NFIC: variants seen among roughly 807,000 people sequenced by gnomAD.
NFIC encodes the protein nuclear factor I C, also known as nuclear factor 1 C-type.
A neutral mutation model predicts 54.4 loss-of-function variants in NFIC; 12 were observed. The ratio of observed to expected loss-of-function variants is 0.22; its 90% confidence interval spans 0.14 to 0.36. NFIC has a LOEUF of 0.36. NFIC is among the 10% of genes least tolerant of loss of function. The pLI is 1.00. For synonymous variants in NFIC, 322 were observed against 319.2 expected (o/e 1.01, Z -0.09); for missense variants, 575 against 718.2 (o/e 0.80, Z 2.28).
At position 3,367,430 on chromosome 19, in the gene NFIC, T is replaced by TGCG. The variant is rs1190549801; in HGVS notation, c.30+768_30+770dup. Among the ~76,000 whole-genome samples, 3 of 152,012 alleles carry TGCG rather than the reference T, an allele frequency of 2.0e-5. No individual in the cohort carries two copies. In the East Asian group the frequency reaches 5.8e-4, roughly 30 times the overall value. On this transcript the variant is annotated intron_variant, in intron 1 of 10. Transcript: ENST00000443272. ...GGCGCTCCGGGTCTGGCCCGGGCAC[T>TGCG]GCGGCGCTGCGGACGCCCTCGCCAG...
chr19:3,367,387 G>A (rs565247432), intron 1 of NFIC, among the ~76,000 whole-genome samples: 3 of 152,172 alleles, frequency 2.0e-5, no homozygotes, highest in East Asian at 3.9e-4. Flanking sequence ...AGCCGCCGCC[G>A]GGAGGAGCGG....
At chr19:3,401,218 G>A (rs1365526439) in intron 2 of NFIC, among the ~76,000 whole-genome samples, 1 of 152,202 alleles carries the variant, frequency 6.6e-6, no homozygotes, top group Non-Finnish European at 1.5e-5. Context: ...CTTGGGCTTT[G>A]ACCCCAAGGC....
At chr19:3,392,196 C>A (rs187373671) in intron 2 of NFIC, among the ~76,000 whole-genome samples, 1 of 151,528 alleles carries the variant, frequency 6.6e-6, no homozygotes, top group African/African-American at 2.4e-5. Context: ...CTCAACCTCC[C>A]GAATAGCTGG....
At chr19:3,438,253 CCACTGGGGAAGGAGGTGGTAG>C (rs1420036776) in intron 6 of NFIC, among the ~76,000 whole-genome samples, 1 of 150,402 alleles carries the variant, frequency 6.6e-6, no homozygotes, top group Non-Finnish European at 1.5e-5. Context: ...GCAACCCCTT[CCACTGGGGAAGGAGGTGGTAG>C]CAATGGGGGG....
rs1046325128 is a variant in NFIC, at chr19:3,387,617, C to T, written c.562+5374C>T. ...GATGGGGAGGGCTTCTCTGAGGAGG[C>T]GTCTTTGAGGTGAGGCTTGAAGGGG... On this transcript the variant is annotated intron_variant, in intron 2 of 10. Transcript: ENST00000443272. 4.0e-5 allele frequency among the ~76,000 whole-genome samples: 6 copies of T among 151,720 alleles called. No homozygotes were observed. The South Asian group carries it at 8.3e-4, about 21-fold the overall frequency.
chr19:3,437,435 C>G (rs1329054609), intron 6 of NFIC, among the ~76,000 whole-genome samples: 1 of 151,526 alleles, frequency 6.6e-6, no homozygotes, highest in Non-Finnish European at 1.5e-5. Context: ...TTTCAGGTGC[C>G]AAGGCCCCTC....
intron 2 of NFIC, among the ~76,000 whole-genome samples, chr19:3,411,674 A>G (rs1014517955): frequency 2.0e-5 from 3 of 152,000 alleles, no homozygotes; most frequent in African/African-American, 7.2e-5. Flanking sequence ...AAAACTCCTC[A>G]GTGATGCTGA....
chr19:3,360,221 G>C (rs1186954980), intron 1 of NFIC, among the ~76,000 whole-genome samples: 3 of 145,598 alleles, frequency 2.1e-5, no homozygotes, highest in African/African-American at 7.4e-5. Flanking sequence ...CGGAGAGCGC[G>C]CCGCGGCCGC....
chr19:3,374,113 C>G (rs985093611), intron 1 of NFIC, among the ~76,000 whole-genome samples: 6 of 152,268 alleles, frequency 3.9e-5, no homozygotes, highest in Non-Finnish European at 8.8e-5. Context: ...ATTGTTGAGT[C>G]ACTTTTACCT....
At chr19:3,443,380 A>G (rs1336981761) in intron 6 of NFIC, among the ~76,000 whole-genome samples, 1 of 151,828 alleles carries the variant, frequency 6.6e-6, no homozygotes, top group African/African-American at 2.4e-5. Context: ...CTATGATTGC[A>G]CCAGTGCACT....
chr19:3,431,259 G>A (rs2082115736), intron 3 of NFIC, among the ~76,000 whole-genome samples: 1 of 151,258 alleles, frequency 6.6e-6, no homozygotes, highest in East Asian at 1.9e-4. Context: ...CCTGAGCTCA[G>A]GTGATCCACC....
In NFIC at chr19:3,375,199, C is replaced by G. The variant is rs949695249; in HGVS notation, c.31-6513C>G. Among the ~76,000 whole-genome samples, 6 of 152,118 alleles carry G rather than the reference C, an allele frequency of 3.9e-5. No individual in the cohort carries two copies. The highest frequency in any genetic ancestry group is 7.4e-5 in the Non-Finnish European group (5 of 68,026). Reference sequence around the variant, plus strand: ...CCCTGCCCCCATCATGGATGCCTCCCCTGTCCCTTCCAGCAGCCTCTTATC... The same window carrying G: ...CCCTGCCCCCATCATGGATGCCTCCGCTGTCCCTTCCAGCAGCCTCTTATC... On this transcript the variant is annotated intron_variant, in intron 1 of 10. Transcript: ENST00000443272. The surrounding 1 kb of genome is among the most constrained non-coding windows in gnomAD (Gnocchi z 4.6).
At chr19:3,439,681 C>A (rs1442557905) in intron 6 of NFIC, among the ~76,000 whole-genome samples, 1 of 149,834 alleles carries the variant, frequency 6.7e-6, no homozygotes, top group East Asian at 2.0e-4. Context: ...AGAGAAAACA[C>A]TGGAAGAATT....
chr19:3,446,542 C>T (rs1388333221), intron 6 of NFIC, among the ~76,000 whole-genome samples: 1 of 152,138 alleles, frequency 6.6e-6, no homozygotes, highest in Non-Finnish European at 1.5e-5. Flanking sequence ...AGGGCCAGGT[C>T]GAAGGGAAGC....
intron 2 of NFIC, among the ~76,000 whole-genome samples, chr19:3,417,074 AT>A (rs1288409085): frequency 6.7e-6 from 1 of 149,734 alleles, no homozygotes; most frequent in East Asian, 2.0e-4. Flanking sequence ...TTTAGTAGAG[AT>A]GGGGTTTCAC....
At chr19:3,386,557 A>AAGTG (rs1344618737) in intron 2 of NFIC, among the ~76,000 whole-genome samples, 1 of 151,858 alleles carries the variant, frequency 6.6e-6, no homozygotes, top group African/African-American at 2.4e-5. Context: ...TCATGGCCTC[A>AAGTG]AGTGATCCGC....
intron 1 of NFIC, among the ~76,000 whole-genome samples, chr19:3,368,615 G>C (rs910196687): frequency 1.3e-5 from 2 of 152,162 alleles, no homozygotes; most frequent in African/African-American, 4.8e-5. Flanking sequence ...CTCCTCCCCT[G>C]CGATTCTCCT....
At chr19:3,405,190 A>G (rs982536547) in intron 2 of NFIC, among the ~76,000 whole-genome samples, 18 of 152,224 alleles carry the variant, frequency 1.2e-4, no homozygotes, top group African/African-American at 4.1e-4. Flanking sequence ...GCCAGACTTA[A>G]GGAACGCAGG....
chr19:3,415,080 T>C (rs1273784909), intron 2 of NFIC, among the ~76,000 whole-genome samples: 1 of 152,064 alleles, frequency 6.6e-6, no homozygotes, highest in African/African-American at 2.4e-5. Context: ...TCTCATGTGA[T>C]CCAACCGCCT....
Sources: gnomAD v4.1 joint callset for allele counts (sites outside exome capture counted in the v4.1 genomes callset) on GRCh38, gnomAD v4.1.1 for gene constraint, Gnocchi (gnomAD v3.1) non-coding constraint, MANE v1.5 for transcripts, NCBI Gene and HGNC (gene_info 2026-07-23, HGNC 2026-07-21) for gene names.